The following PRKAR2A variants were observed in gnomAD, a reference collection of about 807,000 sequenced individuals.
The protein encoded by PRKAR2A is protein kinase cAMP-dependent type II regulatory subunit alpha.
Under a neutral mutation model 51.9 loss-of-function variants are expected in PRKAR2A, and 29 were observed. That is an observed-to-expected ratio of 0.56 (90% CI 0.42 to 0.76). The LOEUF (loss-of-function observed/expected upper bound fraction) is 0.76. Among genes scored for constraint, PRKAR2A ranks in the 30% least tolerant of loss-of-function variants. The pLI, the probability that PRKAR2A is intolerant of heterozygous loss-of-function variation, is 0.00. For missense variants in PRKAR2A, 445 were observed against 512.1 expected (o/e 0.87, Z 1.26); for synonymous variants, 178 against 186.2 (o/e 0.96, Z 0.36).
At chr3:48,815,020 T>A (rs889487232) in intron 1 of PRKAR2A, among the ~76,000 whole-genome samples, 6 of 152,086 alleles carry the variant, frequency 3.9e-5, no homozygotes, top group Non-Finnish European at 5.9e-5. Context: ...CAAGTGATTC[T>A]CCCACCTCAG....
chr3:48,752,831 C>G (rs1329518711), intron 9 of PRKAR2A, among the ~76,000 whole-genome samples: 2 of 148,556 alleles, frequency 1.3e-5, no homozygotes, highest in Admixed American at 1.4e-4. Flanking sequence ...CCAAAGTGCT[C>G]GGATTACAGG....
At chr3:48,786,002 A>G (rs2082284701) in intron 4 of PRKAR2A, among the ~76,000 whole-genome samples, 2 of 152,208 alleles carry the variant, frequency 1.3e-5, no homozygotes, top group African/African-American at 4.8e-5. Flanking sequence ...CTAATCAGAA[A>G]AAATACTGAC....
intron 1 of PRKAR2A, among the ~76,000 whole-genome samples, chr3:48,811,104 G>A (rs2082763506): frequency 6.6e-6 from 1 of 151,994 alleles, no homozygotes; most frequent in South Asian, 2.1e-4. Flanking sequence ...TTGAGCCCAG[G>A]AGGTCGAGGC....
intron 1 of PRKAR2A, among the ~76,000 whole-genome samples, chr3:48,840,270 G>A (rs1344523658): frequency 3.3e-5 from 5 of 152,074 alleles, no homozygotes. Flanking sequence ...CGGGACGGGT[G>A]GATCACCTGA....
intron 1 of PRKAR2A, among the ~76,000 whole-genome samples, chr3:48,809,422 C>G (rs2082733721): frequency 6.6e-6 from 1 of 151,134 alleles, no homozygotes; most frequent in African/African-American, 2.4e-5. Context: ...GAAACCCTGT[C>G]TCTACTAAAA....
chr3:48,761,057 G>A (rs2081856588), intron 8 of PRKAR2A, among the ~76,000 whole-genome samples: 1 of 152,080 alleles, frequency 6.6e-6, no homozygotes, highest in Non-Finnish European at 1.5e-5. Context: ...GCAGAGGAAG[G>A]AGGATCACGA....
intron 9 of PRKAR2A, among the ~76,000 whole-genome samples, chr3:48,754,635 T>C (rs2081728808): frequency 6.6e-6 from 1 of 151,616 alleles, no homozygotes; most frequent in African/African-American, 2.4e-5. Context: ...TTAGCTGGGC[T>C]TGGTGGTGGG....
At chr3:48,786,627 C>G (rs2082299054) in intron 4 of PRKAR2A, among the ~76,000 whole-genome samples, 1 of 149,846 alleles carries the variant, frequency 6.7e-6, no homozygotes. Flanking sequence ...GAAACCCCAT[C>G]TCTACTAAAA....
intron 1 of PRKAR2A, among the ~76,000 whole-genome samples, chr3:48,828,807 C>T (rs1036419658): frequency 1.3e-5 from 2 of 150,754 alleles, no homozygotes; most frequent in African/African-American, 2.4e-5. Context: ...GTGGTTCATG[C>T]CCATAATCCC....
At chr3:48,763,448 C>T (rs184116296) in intron 8 of PRKAR2A, among the ~76,000 whole-genome samples, 3 of 152,282 alleles carry the variant, frequency 2.0e-5, no homozygotes, top group Admixed American at 2.0e-4. Context: ...GACATACTTC[C>T]TGAAAACCCA....
chr3:48,846,067 A>G (rs1316061914), intron 1 of PRKAR2A, among the ~76,000 whole-genome samples: 2 of 152,096 alleles, frequency 1.3e-5, no homozygotes, highest in Non-Finnish European at 2.9e-5. Context: ...AAACTCTTGG[A>G]GAAGGTTTAC....
downstream of PRKAR2A, among the ~76,000 whole-genome samples, chr3:48,745,229 G>C (rs565477288): frequency 6.9e-6 from 1 of 145,434 alleles, no homozygotes; most frequent in South Asian, 2.2e-4. Context: ...TTTTTGTAGA[G>C]ACAGGGTCTT....
In PRKAR2A at chr3:48,821,053, C is replaced by T. The variant is rs2082951400; in HGVS notation, c.263-13369G>A. Among the ~76,000 whole-genome samples the T allele has an allele frequency of 2.0e-5, 3 of 152,312 alleles. No individual in the cohort carries two copies. The South Asian group carries it at 6.2e-4, about 32-fold the overall frequency. On this transcript the variant is annotated intron_variant, in intron 1 of 10. Transcript: ENST00000265563. ...ACAGTTTTAATTACTCCCCCATTTA[C>T]TCCTAAACACAGACTGTAACAGTAG...
intron 1 of PRKAR2A, among the ~76,000 whole-genome samples, chr3:48,828,708 CAAA>C (rs547132768): frequency 3.6e-5 from 3 of 83,500 alleles, no homozygotes; most frequent in East Asian, 3.5e-4. Context: ...CCCCTGTCTC[CAAA>C]AAAAAAAAAA....
intron 5 of PRKAR2A, among the ~76,000 whole-genome samples, chr3:48,776,210 T>C (rs116508007): frequency 5.8e-4 from 89 of 152,222 alleles, no homozygotes; most frequent in African/African-American, 2.0e-3. Context: ...TTTGCAGAAA[T>C]AGGCACTCTC....
intron 4 of PRKAR2A, among the ~76,000 whole-genome samples, chr3:48,789,858 GTTCC>G (rs1326021510): frequency 3.3e-5 from 5 of 149,596 alleles, no homozygotes; most frequent in South Asian, 2.1e-4. Flanking sequence ...CCTTCCTTTT[GTTCC>G]TTCCTTCCTT....
intron 8 of PRKAR2A, among the ~76,000 whole-genome samples, chr3:48,763,721 G>C (rs1047812669): frequency 1.2e-4 from 18 of 151,992 alleles, no homozygotes; most frequent in African/African-American, 3.9e-4. Flanking sequence ...CATCTCAAAT[G>C]GCATTTCCTC....
At chr3:48,823,338 C>T (rs575510055) in intron 1 of PRKAR2A, among the ~76,000 whole-genome samples, 167 of 151,864 alleles carry the variant, frequency 1.1e-3, no homozygotes, top group Middle Eastern at 6.8e-3. Flanking sequence ...TGCTGTCTTA[C>T]GGGTTGAGCC....
At chr3:48,814,642 G>C (rs2082843401) in intron 1 of PRKAR2A, among the ~76,000 whole-genome samples, 1 of 152,120 alleles carries the variant, frequency 6.6e-6, no homozygotes. Flanking sequence ...TTTCCAGAAA[G>C]TTCCATGAGT....
Sources: gnomAD v4.1 joint callset for allele counts (sites outside exome capture counted in the v4.1 genomes callset) on GRCh38, gnomAD v4.1.1 for gene constraint, MANE v1.5 for transcripts, NCBI Gene and HGNC (gene_info 2026-07-23, HGNC 2026-07-21) for gene names.